Variants in CNTN5 observed in about 807,000 individuals in gnomAD.
CNTN5 encodes the protein contactin 5.
Under a neutral mutation model 129.1 loss-of-function variants are expected in CNTN5, and 77 were observed. That is an observed-to-expected ratio of 0.60 (90% CI 0.50 to 0.72). The LOEUF (loss-of-function observed/expected upper bound fraction) is 0.72. Ranked by LOEUF, CNTN5 falls within the 30% of genes least tolerant of loss-of-function variation. The pLI is 0.00. For missense variants in CNTN5, 1,478 were observed against 1,328.8 expected (o/e 1.11, Z -1.75); for synonymous variants, 509 against 465.6 (o/e 1.09, Z -1.20).
At chr11:100,052,850 A>G (rs2137752134) in intron 9 of CNTN5, among the ~76,000 whole-genome samples, 1 of 151,916 alleles carries the variant, frequency 6.6e-6, no homozygotes, top group Middle Eastern at 3.4e-3. Context: ...AAAATGAGAC[A>G]TTGGCATAAA....
chr11:100,081,683 A>T (rs1944370455), intron 13 of CNTN5, among the ~76,000 whole-genome samples: 1 of 152,178 alleles, frequency 6.6e-6, no homozygotes, highest in African/African-American at 2.4e-5. Flanking sequence ...GGATTCTGGA[A>T]ATTATGTAAT....
intron 15 of CNTN5, among the ~76,000 whole-genome samples, chr11:100,200,130 A>G (rs1948743643): frequency 6.6e-6 from 1 of 151,902 alleles, no homozygotes; most frequent in East Asian, 1.9e-4. Flanking sequence ...CCTTGATGAC[A>G]CCTAAGACAG....
rs1012235370 is a variant in CNTN5, at chr11:100,061,276, A to G, written c.1045A>G (p.Lys349Glu). 5 of 1,613,566 alleles carry G rather than the reference A, an allele frequency of 3.1e-6. No individual in the cohort carries two copies. The African/African-American group carries it at 6.7e-5, about 22-fold the overall frequency. The change falls in exon 10 of 25, where the codon AAA (lysine) becomes GAA (glutamate). Residue 349 changes from lysine to glutamate, a missense_variant. Coordinates refer to ENST00000524871, the MANE Select transcript of CNTN5 (RefSeq NM_014361.4). The stretch of plus-strand genomic sequence containing the variant: ...TATTCCTAGTAAGGCACGTCTGCGG[A>G]AATCTCAGGCGGTGCTGGAAATACC... ...GYIPSKARLR[K>E]SQAVLEIPNV... is the part of the protein sequence containing the mutation.
chr11:99,832,712 T>C (rs962811324), intron 4 of CNTN5, among the ~76,000 whole-genome samples: 1 of 152,170 alleles, frequency 6.6e-6, no homozygotes, highest in Non-Finnish European at 1.5e-5. Context: ...TAATTTCTAG[T>C]TAACACTTCA....
At chr11:99,511,583 A>G (rs1411107413) in intron 2 of CNTN5, among the ~76,000 whole-genome samples, 1 of 151,974 alleles carries the variant, frequency 6.6e-6, no homozygotes, top group African/African-American at 2.4e-5. Context: ...GCTGAATTCA[A>G]TTCCTGGGTA....
At chr11:99,900,665 A>G (rs1353768898) in intron 6 of CNTN5, among the ~76,000 whole-genome samples, 2 of 152,154 alleles carry the variant, frequency 1.3e-5, no homozygotes, top group Admixed American at 6.5e-5. Flanking sequence ...ATTACATGCA[A>G]TGTGGGTATC....
intron 6 of CNTN5, among the ~76,000 whole-genome samples, chr11:99,873,298 C>G (rs4754651): frequency 0.98 from 149,094 of 152,026 alleles, 73,155 homozygotes; most frequent in East Asian, 1. Flanking sequence ...TTTTAAATGG[C>G]AGAAAATATT....
chr11:99,828,311 G>T (rs533180615), intron 4 of CNTN5, among the ~76,000 whole-genome samples: 1 of 152,228 alleles, frequency 6.6e-6, no homozygotes, highest in Admixed American at 6.5e-5. Flanking sequence ...GTTACAGTAT[G>T]CCACAGGCTG....
chr11:99,619,195 C>A (rs943000736), intron 3 of CNTN5, among the ~76,000 whole-genome samples: 7 of 151,548 alleles, frequency 4.6e-5, no homozygotes, highest in Non-Finnish European at 1.0e-4. Context: ...ACAAAAAAAT[C>A]AAAAAACTAT....
intron 8 of CNTN5, among the ~76,000 whole-genome samples, chr11:99,961,206 GAAAAAA>G (rs769692454): frequency 2.1e-5 from 2 of 95,720 alleles, no homozygotes; most frequent in African/African-American, 8.1e-5. Flanking sequence ...CTCCGTCTCA[GAAAAAA>G]AAAAAAAAAA....
chr11:100,340,550 T>C lies in CNTN5; in HGVS notation c.2818T>C (p.Leu940=), dbSNP rs1461493229. ...TGAGTCTTTCGTCATCCTAACAGGA[T>C]TAGAAGGAAATACGTTATATCACTT... The part of the protein sequence containing the change: ...GNESFVILTG[L]EGNTLYHFTV... Residue 940 remains leucine (L), a synonymous_variant, in exon 22 of 25, where the codon TTA becomes CTA. Transcript: ENST00000524871. 3.1e-6 allele frequency: 5 copies of C among 1,612,776 alleles called. No individual in the cohort carries two copies. Among genetic ancestry groups the C allele is most frequent in the Non-Finnish European group, 4.2e-6 (5 of 1,179,390 alleles).
In CNTN5 at chr11:100,245,612, A is replaced by G. The variant is rs1009988005; in HGVS notation, c.2006-10148A>G. 5.2e-4 allele frequency among the ~76,000 whole-genome samples: 79 copies of G among 152,138 alleles called. 2 individuals are homozygous for G. Among genetic ancestry groups the G allele is most frequent in the Admixed American group, 4.8e-3 (74 of 15,260 alleles). ...TATCTTTAGCAAGCAGAGGTAGAAAAGCTACCTCGAAATTCATTTTCAATC... is the reference window on the plus strand; with the variant it reads ...TATCTTTAGCAAGCAGAGGTAGAAAGGCTACCTCGAAATTCATTTTCAATC... On this transcript the variant is annotated intron_variant, in intron 16 of 24. Coordinates refer to ENST00000524871, the MANE Select transcript of CNTN5 (RefSeq NM_014361.4).
chr11:100,308,274 A>G (rs1434384854), intron 20 of CNTN5, 85 bp from the exon 21 acceptor site: 5 of 1,182,060 alleles, frequency 4.2e-6, no homozygotes, highest in South Asian at 1.6e-5. Flanking sequence ...ATAAGGTAAG[A>G]GGAATTTAAC....
chr11:99,640,556 T>C (rs896372598), intron 3 of CNTN5, among the ~76,000 whole-genome samples: 1 of 152,172 alleles, frequency 6.6e-6, no homozygotes, highest in Non-Finnish European at 1.5e-5. Context: ...AAAATTCCAA[T>C]TGAGATTTGA....
rs561854031 is a variant in CNTN5 at position 99,724,909 on chromosome 11, T to C, written c.56-94635T>C. On this transcript the variant is annotated intron_variant, in intron 3 of 24. Coordinates refer to ENST00000524871, the MANE Select transcript of CNTN5 (RefSeq NM_014361.4). Reference sequence around the variant, plus strand: ...AATGTAAAGGACTCAGTAAGGCTAATTGTATGATATCAAAACAGAATTTAC... The same window carrying C: ...AATGTAAAGGACTCAGTAAGGCTAACTGTATGATATCAAAACAGAATTTAC... Among the ~76,000 whole-genome samples the C allele has an allele frequency of 1.0e-3, 154 of 152,310 alleles. 1 individual carries two copies. Among genetic ancestry groups the C allele is most frequent in the African/African-American group, 3.4e-3 (142 of 41,568 alleles).
At chr11:99,884,526 T>G (rs1377985589) in intron 6 of CNTN5, among the ~76,000 whole-genome samples, 2 of 152,174 alleles carry the variant, frequency 1.3e-5, no homozygotes, top group East Asian at 3.9e-4. Flanking sequence ...GAACAAATAT[T>G]TAAAGATGCA....
intron 13 of CNTN5, among the ~76,000 whole-genome samples, chr11:100,093,760 G>A (rs1451225566): frequency 1.3e-5 from 2 of 152,036 alleles, no homozygotes; most frequent in African/African-American, 2.4e-5. Context: ...AATTACACGT[G>A]GATTTTGTTA....
intron 6 of CNTN5, among the ~76,000 whole-genome samples, chr11:99,854,157 T>G (rs1947961195): frequency 6.6e-6 from 1 of 152,162 alleles, no homozygotes; most frequent in Admixed American, 6.5e-5. Context: ...TCATATAAAT[T>G]TCCTTGCCTA....
At chr11:99,757,692 C>T (rs1322688092) in intron 3 of CNTN5, among the ~76,000 whole-genome samples, 1 of 151,960 alleles carries the variant, frequency 6.6e-6, no homozygotes, top group Admixed American at 6.6e-5. Flanking sequence ...ACTCTCAACC[C>T]AATACACAAT....
Sources: gnomAD v4.1 joint callset for allele counts (sites outside exome capture counted in the v4.1 genomes callset) on GRCh38, gnomAD v4.1.1 for gene constraint, MANE v1.5 for transcripts, NCBI Gene and HGNC (gene_info 2026-07-23, HGNC 2026-07-21) for gene names.